The following KIAA1217 variants were observed in gnomAD, a reference collection of about 807,000 sequenced individuals.
KIAA1217 encodes KIAA1217.
KIAA1217 carries 88 observed loss-of-function variants against 163.9 expected under a neutral mutation model. That is an observed-to-expected ratio of 0.54 (90% CI 0.45 to 0.64). KIAA1217 has a LOEUF of 0.64. KIAA1217 is among the 30% of genes least tolerant of loss of function. The pLI, the probability that KIAA1217 is intolerant of heterozygous loss-of-function variation, is 0.00. For missense variants in KIAA1217, 2,372 were observed against 2,475.0 expected, an observed-to-expected ratio of 0.96 and a Z score of 0.88; for synonymous variants, 903 against 923.1, an observed-to-expected ratio of 0.98 and a Z score of 0.39.
chr10:24,155,447 C>A (rs752011286), intron 2 of KIAA1217, among the ~76,000 whole-genome samples: 39 of 152,170 alleles, frequency 2.6e-4, no homozygotes, highest in Admixed American at 2.6e-4. Context: ...GAATGATTTG[C>A]CTAAAATGAC....
intron 1 of KIAA1217, among the ~76,000 whole-genome samples, chr10:23,898,314 C>T (rs1446721754): frequency 1.1e-4 from 16 of 151,234 alleles, no homozygotes; most frequent in African/African-American, 3.9e-4. Context: ...TACACACACA[C>T]ACACACACAC....
chr10:23,966,975 G>T (rs1845090641), intron 1 of KIAA1217, among the ~76,000 whole-genome samples: 1 of 151,852 alleles, frequency 6.6e-6, no homozygotes, highest in Admixed American at 6.6e-5. Context: ...AATACATATT[G>T]GAAAAGTGGC....
At chr10:24,049,009 C>T (rs1193150078) in intron 2 of KIAA1217, among the ~76,000 whole-genome samples, 10 of 117,624 alleles carry the variant, frequency 8.5e-5, no homozygotes, top group Admixed American at 3.4e-4. Flanking sequence ...CCAGCCTGGG[C>T]GACAGAGTGA....
intron 1 of KIAA1217, among the ~76,000 whole-genome samples, chr10:23,737,259 C>T (rs1225493765): frequency 6.6e-6 from 1 of 152,152 alleles, no homozygotes. Context: ...GAGCACAGTG[C>T]ATGATCTCAG....
At position 24,416,679 on chromosome 10, in the gene KIAA1217, G is replaced by C. The variant is rs75390178; in HGVS notation, c.554-16316G>C. Among the ~76,000 whole-genome samples the C allele has an allele frequency of 9.2e-3, 1,405 of 152,244 alleles. 28 individuals carry two copies. The highest frequency in any genetic ancestry group is 0.032 in the African/African-American group (1,348 of 41,524). On this transcript the variant is annotated intron_variant, in intron 3 of 20. Transcript: ENST00000376454. ...TCTGAGCCCTCACAGTTGTGGGCTG[G>C]ATCATGTGATCAGGAAGGGTCCCCC...
At position 24,380,933 on chromosome 10, in the gene KIAA1217, T is replaced by C; in HGVS notation, c.419T>C (p.Leu140Ser). The C allele has an allele frequency of 2.5e-6, 4 of 1,609,022 alleles. No individual in the cohort carries two copies. Among genetic ancestry groups the C allele is most frequent in the Non-Finnish European group, 3.4e-6 (4 of 1,177,224 alleles). Residue 140 changes from leucine (L) to serine (S), a missense_variant, in exon 3 of 21, where the codon TTA (leucine) becomes TCA (serine). By Grantham distance (145) the Leu-to-Ser change is moderately radical. Coordinates refer to ENST00000376454, the MANE Select transcript of KIAA1217 (RefSeq NM_019590.5). ...AGTCTGGGTGACCCGGTCGAGCATT[T>C]ATCAGAGACGTCCGCTGATTCTTTG... ...PPSLGDPVEH[L>S]SETSADSLEA...
At chr10:24,338,260 A>G (rs1356385409) in intron 2 of KIAA1217, among the ~76,000 whole-genome samples, 1 of 152,200 alleles carries the variant, frequency 6.6e-6, no homozygotes, top group Non-Finnish European at 1.5e-5. Flanking sequence ...TCCTTTTCTG[A>G]GTCCTAAGGT....
At chr10:24,471,067 G>A (rs2063462562) in intron 5 of KIAA1217, among the ~76,000 whole-genome samples, 1 of 152,124 alleles carries the variant, frequency 6.6e-6, no homozygotes, top group Non-Finnish European at 1.5e-5. Context: ...TTTACTACAT[G>A]CAGTGAATTT....
intron 2 of KIAA1217, among the ~76,000 whole-genome samples, chr10:24,225,521 T>TA (rs1227721654): frequency 6.6e-6 from 1 of 152,248 alleles, no homozygotes; most frequent in East Asian, 1.9e-4. Context: ...GTATTTTTCT[T>TA]TCATTCAGTG....
chr10:24,253,547 C>T (rs2074794557), intron 2 of KIAA1217, among the ~76,000 whole-genome samples: 1 of 152,158 alleles, frequency 6.6e-6, no homozygotes, highest in Non-Finnish European at 1.5e-5. Context: ...TTCTCAACAT[C>T]TTCAGTGTCC....
rs1021482528 is a variant in KIAA1217, at chr10:23,967,949, C to T, written c.-320-39276C>T. Among the ~76,000 whole-genome samples the T allele has an allele frequency of 1.5e-4, 20 of 135,780 alleles. No homozygotes were observed. In the South Asian group the frequency reaches 3.0e-3, roughly 20 times the overall value. The allele number at this position is 135,780 out of a possible 152,430, so 89.1% of individuals were successfully genotyped here. ...TGTGTGTGTGTGTATGGAGGACATG[C>T]CTTTTTTAAAATTTTACTTTAAGTT... On this transcript the variant is annotated intron_variant, in intron 1 of 18. Transcript: ENST00000376462.
At chr10:23,965,962 A>G (rs190548667) in intron 1 of KIAA1217, among the ~76,000 whole-genome samples, 1 of 152,320 alleles carries the variant, frequency 6.6e-6, no homozygotes, top group Admixed American at 6.5e-5. Context: ...GACAGCCATG[A>G]TTCTTTCTAA....
At chr10:24,120,458 A>T (rs944761716) in intron 2 of KIAA1217, among the ~76,000 whole-genome samples, 3 of 152,180 alleles carry the variant, frequency 2.0e-5, no homozygotes, top group African/African-American at 7.2e-5. Flanking sequence ...TGGTGTAGCT[A>T]TGCTTAAGAA....
intron 1 of KIAA1217, among the ~76,000 whole-genome samples, chr10:23,828,680 A>G (rs921069673): frequency 8.5e-5 from 13 of 152,116 alleles, no homozygotes; most frequent in Non-Finnish European, 1.8e-4. Context: ...TCTTGTTACT[A>G]CTTATTTGTT....
chr10:24,183,593 C>T (rs116272733), intron 2 of KIAA1217, among the ~76,000 whole-genome samples: 2,104 of 152,300 alleles, frequency 0.014, 53 homozygotes, highest in African/African-American at 0.048. Context: ...AAAAGTGGGT[C>T]CTTTGGTTGT....
intron 2 of KIAA1217, among the ~76,000 whole-genome samples, chr10:24,357,174 C>T (rs1002436556): frequency 6.6e-6 from 1 of 152,160 alleles, no homozygotes; most frequent in Non-Finnish European, 1.5e-5. Context: ...AGGCCAGCCC[C>T]TGCCCACTGT....
intron 5 of KIAA1217, among the ~76,000 whole-genome samples, chr10:24,470,947 A>C: frequency 6.6e-6 from 1 of 152,190 alleles, no homozygotes; most frequent in Non-Finnish European, 1.5e-5. Context: ...AGTTTAAGAA[A>C]GAAGGTGCCC....
At chr10:24,183,873 T>C (rs7917155) in intron 2 of KIAA1217, among the ~76,000 whole-genome samples, 111,672 of 152,100 alleles carry the variant, frequency 0.73, 41,312 homozygotes, top group Middle Eastern at 0.8. Context: ...TTAAGACAAC[T>C]GCCAGGTCTC....
At chr10:24,483,227 T>A (rs1377543564) in intron 6 of KIAA1217, among the ~76,000 whole-genome samples, 3 of 152,130 alleles carry the variant, frequency 2.0e-5, no homozygotes, top group Non-Finnish European at 4.4e-5. Flanking sequence ...AAATGACATT[T>A]CGCTATCCTG....
Sources: allele counts gnomAD v4.1 joint callset (sites outside exome capture counted in the v4.1 genomes callset), GRCh38; gene constraint gnomAD v4.1.1; transcripts MANE v1.5; gene names NCBI Gene and HGNC (gene_info 2026-07-23, HGNC 2026-07-21).